The following FKBP4 variants were observed in gnomAD, a reference collection of about 807,000 sequenced individuals.
FKBP4 encodes the protein FKBP prolyl isomerase 4.
Under a neutral mutation model 54.1 loss-of-function variants are expected in FKBP4, and 28 were observed. The observed-to-expected ratio is 0.52, with a 90% confidence interval of 0.38 to 0.71. The LOEUF (loss-of-function observed/expected upper bound fraction) is 0.71. Among genes scored for constraint, FKBP4 ranks in the 30% least tolerant of loss-of-function variants. The probability of loss-of-function intolerance (pLI) is 0.00; values close to 1 mark genes in which losing one functional copy is unlikely to be tolerated. For missense variants in FKBP4, 493 were observed against 574.4 expected (o/e 0.86, Z 1.45); for synonymous variants, 223 against 216.1 (o/e 1.03, Z -0.28).
intron 9 of FKBP4, 116 bp downstream of exon 9, chr12:2,801,472 T>C: frequency 6.9e-7 from 1 of 1,455,158 alleles, no homozygotes; most frequent in Non-Finnish European, 9.5e-7. Flanking sequence ...AGTTGCCTTT[T>C]CCCTGGAGCA....
chr12:2,800,115 A>C lies in FKBP4; in HGVS notation c.839A>C (p.Tyr280Ser), dbSNP rs199520088. ...ATAGTGAAAGAGCGGGGCACTGTGT[A>C]CTTCAAGGTGAGCCAACAGTCATTG... Reference protein sequence around the residue: ...STIVKERGTVYFKEGKYKQAL... With the variant: ...STIVKERGTVSFKEGKYKQAL... The change falls in exon 7 of 10, where the codon TAC becomes TCC. Residue 280 changes from tyrosine (Y) to serine (S), a missense_variant. Transcript: ENST00000001008. The C allele has an allele frequency of 8.1e-6, 13 of 1,613,052 alleles. No homozygotes were observed. Among genetic ancestry groups the C allele is most frequent in the African/African-American group, 1.3e-5 (1 of 74,918 alleles).
chr12:2,800,740 G>A (rs2097904274), intron 8 of FKBP4, among the ~76,000 whole-genome samples, 163 bp downstream of exon 8: 1 of 152,206 alleles, frequency 6.6e-6, no homozygotes, highest in African/African-American at 2.4e-5. Context: ...AGTATTCATA[G>A]CAAGAACCTT....
At position 2,797,719 on chromosome 12, in the gene FKBP4, G is replaced by C. The variant is rs773731598; in HGVS notation, c.251-10G>C. On this transcript the variant is annotated splice_polypyrimidine_tract_variant and intron_variant, in intron 2 of 9. Coordinates refer to ENST00000001008, the MANE Select transcript of FKBP4 (RefSeq NM_002014.4). ...TGCTAAGGCGGTCCTGTTTGCTTCT[G>C]TACCTGCAGGGGAGGTCATCAAGGC... 1 of 1,608,226 alleles carries C rather than the reference G, an allele frequency of 6.2e-7. No individual in the cohort carries two copies. Among genetic ancestry groups the C allele is most frequent in the South Asian group, 1.1e-5 (1 of 90,524 alleles).
Position 2,805,112 on chromosome 12 carries a change from T to A in FKBP4, c.*1854T>A. 1 of 454,430 alleles carries A rather than the reference T, an allele frequency of 2.2e-6. No homozygotes were observed. Among genetic ancestry groups the A allele is most frequent in the Non-Finnish European group, 4.4e-6 (1 of 226,002 alleles). The allele number at this position is 454,430 out of a possible 1,614,324, so 28.1% of individuals were successfully genotyped here. ...ACTGACAGCATCACATGAGTGAAAC[T>A]GAATCCTTGCAACCATCCTACAAAG... On this transcript the variant is annotated 3_prime_UTR_variant, in exon 10 of 10. Transcript: ENST00000001008.
intron 7 of FKBP4, 64 bp downstream of exon 7, chr12:2,800,186 C>T: frequency 6.5e-7 from 1 of 1,549,268 alleles, no homozygotes; most frequent in South Asian, 1.1e-5. Flanking sequence ...CTCCCCTTCC[C>T]TTGGTGACTG....
At chr12:2,796,436 C>T (rs2097901917) in intron 1 of FKBP4, 2 of 1,265,974 alleles carry the variant, frequency 1.6e-6, no homozygotes, top group Non-Finnish European at 2.0e-6. Context: ...AAGCCCCTGT[C>T]TATTCTTCGT....
intron 1 of FKBP4, chr12:2,796,164 C>G: frequency 7.8e-7 from 1 of 1,274,974 alleles, no homozygotes; most frequent in South Asian, 1.3e-5. Flanking sequence ...CCATCCGCTG[C>G]TGCGTCCTCA....
At chr12:2,801,636 C>T in intron 9 of FKBP4, 1 of 534,026 alleles carries the variant, frequency 1.9e-6, no homozygotes, top group South Asian at 1.5e-5. Context: ...CACCTGCAAT[C>T]CCAGCACTTT....
At chr12:2,801,051 A>T (rs1603481642) in intron 8 of FKBP4, 66 bp from the exon 9 acceptor site, 10 of 1,592,214 alleles carry the variant, frequency 6.3e-6, no homozygotes, top group Non-Finnish European at 8.6e-6. Flanking sequence ...TTTGGAACCC[A>T]GTCTAGGCCA....
intron 8 of FKBP4, among the ~76,000 whole-genome samples, chr12:2,800,900 C>A (rs1197573898): frequency 6.6e-6 from 1 of 152,240 alleles, no homozygotes; most frequent in Non-Finnish European, 1.5e-5. Flanking sequence ...GTCTTTATTT[C>A]ATCCAAAGAC....
rs1241073836 is a variant in FKBP4 at position 2,801,187 on chromosome 12, A to G, written c.1103A>G (p.Asp368Gly). 8 of 1,613,428 alleles carry G rather than the reference A, an allele frequency of 5.0e-6. No homozygotes were observed. The highest frequency in any genetic ancestry group is 6.8e-6 in the Non-Finnish European group (8 of 1,180,034). The change falls in exon 9 of 10, where the codon GAC (aspartate) becomes GGC (glycine). Residue 368 changes from aspartate to glycine, a missense_variant. Asp to Gly is a moderately conservative substitution (Grantham distance 94, BLOSUM62 -1). Coordinates refer to ENST00000001008, the MANE Select transcript of FKBP4 (RefSeq NM_002014.4). ...RRGEAHLAVNDFELARADFQK... is the reference protein window; with the variant it reads ...RRGEAHLAVNGFELARADFQK... Reference sequence around the variant, plus strand: ...GGAGAGGCCCACCTGGCCGTGAATGACTTTGAACTGGCACGGGCTGATTTC... The same window carrying G: ...GGAGAGGCCCACCTGGCCGTGAATGGCTTTGAACTGGCACGGGCTGATTTC...
chr12:2,795,849 G>T lies in FKBP4; in HGVS notation c.105+605G>T. On this transcript the variant is annotated intron_variant, in intron 1 of 9. Transcript: ENST00000001008. This position sits in a 1 kb window ranked among gnomAD's most constrained non-coding sequence, Gnocchi z 4.3. ...TCCCCTGCCGACGCCGGGACCCAGC[G>T]AGGTCCCCACTCGCCGCGCGGCGCC... 1.6e-6 allele frequency: 1 copy of T among 618,608 alleles called. No homozygotes were observed. The highest frequency in any genetic ancestry group is 2.0e-6 in the Non-Finnish European group (1 of 493,726). The allele number at this position is 618,608 out of a possible 1,614,324, so 38.3% of individuals were successfully genotyped here.
chr12:2,799,606 T>TG (rs1220576613), intron 5 of FKBP4, among the ~76,000 whole-genome samples: 3 of 152,208 alleles, frequency 2.0e-5, no homozygotes, highest in African/African-American at 7.2e-5. Flanking sequence ...TCTAGCTCAT[T>TG]GTTTAGTGAG....
chr12:2,798,974 TG>T lies in FKBP4; in HGVS notation c.515-113del. 4.2e-6 allele frequency: 6 copies of T among 1,413,534 alleles called. No individual in the cohort carries two copies. In the Middle Eastern group the frequency reaches 5.5e-4, roughly 131 times the overall value. The allele number at this position is 1,413,534 out of a possible 1,614,324, so 87.6% of individuals were successfully genotyped here. A position where few individuals can be genotyped will look rare whatever the true frequency, so the allele number is the denominator to read the frequency against. On this transcript the variant is annotated intron_variant, in intron 4 of 9. Transcript: ENST00000001008. This position sits in a 1 kb window ranked among gnomAD's most constrained non-coding sequence, Gnocchi z 4.3. The stretch of plus-strand genomic sequence containing the variant: ...TATTCTCTTCATATCACTCCAGATT[TG>T]AGAACACAGGAGAATCTTGGGATGA...
chr12:2,798,908 C>T lies in FKBP4; in HGVS notation c.514+82C>T, dbSNP rs2097903311. ...GCTTTGGGCAAGACACTTCCGTTCT[C>T]CGAGCCTATCTTCTTGTCCATAAAA... On this transcript the variant is annotated intron_variant, in intron 4 of 9. Coordinates refer to ENST00000001008, the MANE Select transcript of FKBP4 (RefSeq NM_002014.4). The surrounding 1 kb of genome is among the most constrained non-coding windows in gnomAD (Gnocchi z 4.3). The T allele has an allele frequency of 6.7e-7, 1 of 1,501,754 alleles. No individual in the cohort carries two copies. The highest frequency in any genetic ancestry group is 1.4e-5 in the African/African-American group (1 of 72,580). The allele number at this position is 1,501,754 out of a possible 1,614,324, so 93.0% of individuals were successfully genotyped here.
intron 9 of FKBP4, among the ~76,000 whole-genome samples, chr12:2,802,573 C>T (rs1197825334): frequency 6.6e-6 from 1 of 152,208 alleles, no homozygotes; most frequent in African/African-American, 2.4e-5. Flanking sequence ...GTGTATTTTT[C>T]AAACCATCTT....
chr12:2,797,302 T>A lies in FKBP4; in HGVS notation c.250+20T>A, dbSNP rs754136867. The stretch of plus-strand genomic sequence containing the variant: ...GAAAAGGTAGGCGTGGTCAGTGGGC[T>A]GGTAGGATAGGTTCGAGGTGGACAC... On this transcript the variant is annotated intron_variant, in intron 2 of 9. Transcript: ENST00000001008. 1 of 1,613,536 alleles carries A rather than the reference T, an allele frequency of 6.2e-7. No homozygotes were observed. The highest frequency in any genetic ancestry group is 8.5e-7 in the Non-Finnish European group (1 of 1,179,704).
chr12:2,795,202 G>A lies in FKBP4; in HGVS notation c.63G>A (p.Glu21=). The A allele has an allele frequency of 7.5e-7, 1 of 1,334,184 alleles. No individual in the cohort carries two copies. Among genetic ancestry groups the A allele is most frequent in the East Asian group, 2.8e-5 (1 of 35,322 alleles). The allele number at this position is 1,334,184 out of a possible 1,614,324, so 82.6% of individuals were successfully genotyped here. ...CGCAGTCGGCGCCGCTGCCCATGGA[G>A]GGAGTGGACATCAGCCCCAAACAGG... ...SGAQSAPLPM[E]GVDISPKQDE... is the part of the protein sequence containing the mutation. Residue 21 remains glutamate (E), a synonymous_variant, in exon 1 of 10, where the codon GAG becomes GAA. Transcript: ENST00000001008. The surrounding 1 kb of genome is among the most constrained non-coding windows in gnomAD (Gnocchi z 4.3).
At chr12:2,797,354 C>G in intron 2 of FKBP4, 72 bp downstream of exon 2, 2 of 1,565,292 alleles carry the variant, frequency 1.3e-6, no homozygotes, top group Non-Finnish European at 1.7e-6. Flanking sequence ...AAACCATTTT[C>G]TCAGGACCAA....
Sources: gnomAD v4.1 joint callset for allele counts (sites outside exome capture counted in the v4.1 genomes callset) on GRCh38, gnomAD v4.1.1 for gene constraint, Gnocchi (gnomAD v3.1) non-coding constraint, MANE v1.5 for transcripts, NCBI Gene and HGNC (gene_info 2026-07-23, HGNC 2026-07-21) for gene names.